Variants in MACROD1 observed in about 807,000 individuals in gnomAD.
MACROD1 encodes the protein mono-ADP ribosylhydrolase 1.
In MACROD1, 31 loss-of-function variants were observed where a neutral mutation model predicts 41.4. That is an observed-to-expected ratio of 0.75 (90% CI 0.56 to 1.01). The LOEUF is 1.01. MACROD1 is among the 50% of genes least tolerant of loss of function. The probability of loss-of-function intolerance (pLI) is 0.00; values close to 1 mark genes in which losing one functional copy is unlikely to be tolerated. For missense variants in MACROD1, 473 were observed against 460.0 expected (o/e 1.03, Z -0.26); for synonymous variants, 252 against 203.4 (o/e 1.24, Z -2.03).
intron 4 of MACROD1, among the ~76,000 whole-genome samples, chr11:64,004,223 G>A (rs1202000347): frequency 6.6e-6 from 1 of 152,188 alleles, no homozygotes; most frequent in East Asian, 1.9e-4. Context: ...AGGAAGGAGG[G>A]CTGGGCTGAG....
intron 3 of MACROD1, among the ~76,000 whole-genome samples, chr11:64,034,358 C>G (rs1943334185): frequency 6.6e-6 from 1 of 152,166 alleles, no homozygotes; most frequent in African/African-American, 2.4e-5. Flanking sequence ...GGTGATTTTT[C>G]TTTCTTTTAT....
chr11:64,062,007 C>T (rs1001070232), intron 3 of MACROD1, among the ~76,000 whole-genome samples: 1 of 133,372 alleles, frequency 7.5e-6, no homozygotes, highest in African/African-American at 2.8e-5. Flanking sequence ...CTGTTAGTTA[C>T]TTTCCCAAAC....
intron 3 of MACROD1, among the ~76,000 whole-genome samples, chr11:64,093,214 C>A (rs998311231): frequency 6.6e-6 from 1 of 152,210 alleles, no homozygotes; most frequent in East Asian, 1.9e-4. Context: ...CAACACAGGG[C>A]GGCCACTACT....
At chr11:64,005,177 G>C (rs1942890197) in intron 4 of MACROD1, among the ~76,000 whole-genome samples, 1 of 152,138 alleles carries the variant, frequency 6.6e-6, no homozygotes, top group Admixed American at 6.5e-5. Flanking sequence ...TTACAGGCGT[G>C]TGCCATGATG....
In MACROD1 at chr11:64,096,177, C is replaced by T. The variant is rs1211978897; in HGVS notation, c.517+55062G>A. ...GGCTGCCCGCCGGCTCCACCACCTG[C>T]CTTGGCCAAGGGCCAGCCAAGAGCA... On this transcript the variant is annotated intron_variant, in intron 3 of 10. Coordinates refer to ENST00000255681, the MANE Select transcript of MACROD1 (RefSeq NM_014067.4). This position sits in a 1 kb window ranked among gnomAD's most constrained non-coding sequence, Gnocchi z 4.6. Among the ~76,000 whole-genome samples, 1 of 152,242 alleles carries T rather than the reference C, an allele frequency of 6.6e-6. No homozygotes were observed. The highest frequency in any genetic ancestry group is 1.5e-5 in the Non-Finnish European group (1 of 68,040).
At chr11:64,157,374 G>A (rs1420461468) in intron 1 of MACROD1, among the ~76,000 whole-genome samples, 5 of 152,150 alleles carry the variant, frequency 3.3e-5, no homozygotes, top group African/African-American at 9.7e-5. Flanking sequence ...GATTACAGGC[G>A]TGAGCCACCG....
intron 3 of MACROD1, among the ~76,000 whole-genome samples, chr11:64,024,137 T>C (rs992226518): frequency 6.6e-6 from 1 of 152,224 alleles, no homozygotes; most frequent in African/African-American, 2.4e-5. Context: ...CCAAATGGAA[T>C]ACCATGAGCA....
At chr11:64,134,547 T>A (rs886159010) in intron 3 of MACROD1, among the ~76,000 whole-genome samples, 1 of 152,316 alleles carries the variant, frequency 6.6e-6, no homozygotes, top group South Asian at 2.1e-4. Context: ...AGGAGCCCTG[T>A]TTACCTGGCA....
intron 3 of MACROD1, among the ~76,000 whole-genome samples, chr11:64,024,556 G>A (rs764090687): frequency 1.1e-4 from 17 of 152,354 alleles, no homozygotes; most frequent in Non-Finnish European, 2.1e-4. Flanking sequence ...TCTCCTGGGC[G>A]CCATGGGGCA....
chr11:64,152,479 C>A, intron 1 of MACROD1, 86 bp from the exon 2 acceptor site: 2 of 1,057,502 alleles, frequency 1.9e-6, no homozygotes, highest in Non-Finnish European at 3.0e-6. Context: ...TTGCCTCATC[C>A]AAGAATGCAA....
At chr11:64,100,922 G>A (rs1191045372) in intron 3 of MACROD1, among the ~76,000 whole-genome samples, 1 of 152,182 alleles carries the variant, frequency 6.6e-6, no homozygotes, top group East Asian at 1.9e-4. Context: ...GGCACCAAGA[G>A]CCTCACTTAG....
rs182106630 is a variant in MACROD1, at chr11:64,164,297, C to T, written c.298+1400G>A. ...AACACAGCAGCCCAGGAACCCCAGC[C>T]CCATCACAAGGTCCGGTTGCTTTCC... is the stretch of plus-strand genomic sequence containing the variant. On this transcript the variant is annotated intron_variant, in intron 1 of 10. Coordinates refer to ENST00000255681, the MANE Select transcript of MACROD1 (RefSeq NM_014067.4). 1.2e-3 allele frequency among the ~76,000 whole-genome samples: 190 copies of T among 152,374 alleles called. 1 individual carries two copies. The South Asian group carries it at 0.026, about 21-fold the overall frequency.
At chr11:64,098,740 A>G (rs999632109) in intron 3 of MACROD1, among the ~76,000 whole-genome samples, 1 of 152,168 alleles carries the variant, frequency 6.6e-6, no homozygotes, top group African/African-American at 2.4e-5. Context: ...CCTGCTTACA[A>G]TGATCTAAAC....
rs776798912 is a variant in MACROD1, at chr11:63,999,661, T to G, written c.767A>C (p.Glu256Ala). 6.2e-7 allele frequency: 1 copy of G among 1,609,068 alleles called. No individual in the cohort carries two copies. The highest frequency in any genetic ancestry group is 1.1e-5 in the South Asian group (1 of 90,466). ...CYLSSLDLLL[E>A]HRLRSVAFPC... ...CCTCACCACCGAGCGGAGCCGGTGC[T>G]CCAGCAGCAGGTCCAGACTGCTCAG... Residue 256 changes from glutamate (E) to alanine (A), a missense_variant, in exon 6 of 11, where the codon GAG becomes GCG. By Grantham distance (107) the Glu-to-Ala change is moderately radical (BLOSUM62 -1). Coordinates refer to ENST00000255681, the MANE Select transcript of MACROD1 (RefSeq NM_014067.4).
At chr11:64,087,555 A>G (rs1320373800) in intron 3 of MACROD1, among the ~76,000 whole-genome samples, 1 of 152,150 alleles carries the variant, frequency 6.6e-6, no homozygotes, top group Admixed American at 6.5e-5. Context: ...TCCCCAAGAA[A>G]TGGGCGCAGC....
intron 3 of MACROD1, among the ~76,000 whole-genome samples, chr11:64,077,765 G>A (rs1944229665): frequency 6.6e-6 from 1 of 152,232 alleles, no homozygotes; most frequent in African/African-American, 2.4e-5. Flanking sequence ...GGAGTCCCCA[G>A]CCCGTGGCTG....
intron 3 of MACROD1, among the ~76,000 whole-genome samples, chr11:64,047,312 G>T (rs1943602836): frequency 6.6e-6 from 1 of 152,166 alleles, no homozygotes; most frequent in Non-Finnish European, 1.5e-5. Context: ...CCCTGGGAGT[G>T]GGTAGCGTGA....
chr11:64,058,215 G>T (rs1361780212), intron 3 of MACROD1, among the ~76,000 whole-genome samples: 1 of 152,268 alleles, frequency 6.6e-6, no homozygotes, highest in Non-Finnish European at 1.5e-5. Flanking sequence ...GGCTGGTAGA[G>T]AGGTGGGCAT....
intron 3 of MACROD1, among the ~76,000 whole-genome samples, chr11:64,053,710 TA>T (rs1223006103): frequency 6.6e-6 from 1 of 151,930 alleles, no homozygotes; most frequent in Non-Finnish European, 1.5e-5. Flanking sequence ...CTGGAGCCCC[TA>T]CTTTCTCCTT....
Sources: allele counts gnomAD v4.1 joint callset (sites outside exome capture counted in the v4.1 genomes callset), GRCh38; gene constraint gnomAD v4.1.1; non-coding constraint Gnocchi (gnomAD v3.1); transcripts MANE v1.5; gene names NCBI Gene and HGNC (gene_info 2026-07-23, HGNC 2026-07-21).